The following ST6GALNAC3 variants were observed in gnomAD, a reference collection of about 807,000 sequenced individuals.
ST6GALNAC3 encodes alpha-N-acetylgalactosaminide alpha-2,6-sialyltransferase 3.
Under a neutral mutation model 32.7 loss-of-function variants are expected in ST6GALNAC3, and 25 were observed. The observed-to-expected ratio is 0.76, with a 90% CI of 0.56 to 1.07. The LOEUF is 1.07. Among genes scored for constraint, ST6GALNAC3 ranks in the 50% least tolerant of loss-of-function variants. The pLI is 0.00. For synonymous variants in ST6GALNAC3, 129 were observed against 133.1 expected, an observed-to-expected ratio of 0.97 and a Z score of 0.21; for missense variants, 355 against 382.4, an observed-to-expected ratio of 0.93 and a Z score of 0.60.
At chr1:76,507,008 A>G (rs1661517766) in intron 3 of ST6GALNAC3, among the ~76,000 whole-genome samples, 1 of 152,242 alleles carries the variant, frequency 6.6e-6, no homozygotes, top group Admixed American at 6.5e-5. Flanking sequence ...GAAAGAAGCA[A>G]GCAGGATCAA....
At chr1:76,523,884 A>G (rs982882194) in intron 3 of ST6GALNAC3, among the ~76,000 whole-genome samples, 3 of 151,998 alleles carry the variant, frequency 2.0e-5, no homozygotes, top group African/African-American at 7.2e-5. Context: ...TGTGTCCCCA[A>G]CGGTGCCCCC....
At chr1:76,524,839 T>G (rs1474351233) in intron 3 of ST6GALNAC3, among the ~76,000 whole-genome samples, 1 of 151,936 alleles carries the variant, frequency 6.6e-6, no homozygotes, top group Non-Finnish European at 1.5e-5. Flanking sequence ...TGAAGGACTT[T>G]AATCATCTGG....
chr1:76,625,733 C>T (rs2100719102), intron 3 of ST6GALNAC3, among the ~76,000 whole-genome samples: 1 of 152,018 alleles, frequency 6.6e-6, no homozygotes, highest in South Asian at 2.1e-4. Flanking sequence ...TTGTTCGTTA[C>T]TGTAGCTCAC....
At chr1:76,487,478 A>G (rs909494413) in intron 3 of ST6GALNAC3, among the ~76,000 whole-genome samples, 2 of 152,090 alleles carry the variant, frequency 1.3e-5, no homozygotes, top group African/African-American at 4.8e-5. Flanking sequence ...CATTCATTTG[A>G]TCTTCAATCA....
intron 3 of ST6GALNAC3, among the ~76,000 whole-genome samples, chr1:76,622,375 T>C (rs1385231975): frequency 1.3e-5 from 2 of 151,910 alleles, no homozygotes; most frequent in East Asian, 3.9e-4. Flanking sequence ...TAGATGGACT[T>C]GTAAAGAAGG....
At chr1:76,260,895 C>CT (rs1164667926) in intron 1 of ST6GALNAC3, among the ~76,000 whole-genome samples, 1 of 151,136 alleles carries the variant, frequency 6.6e-6, no homozygotes, top group Non-Finnish European at 1.5e-5. Flanking sequence ...AAATATGTGC[C>CT]TTTTTTAAAA....
chr1:76,331,608 A>G (rs941171264), intron 2 of ST6GALNAC3, among the ~76,000 whole-genome samples: 3 of 152,180 alleles, frequency 2.0e-5, no homozygotes, highest in African/African-American at 7.2e-5. Context: ...TGTTTCACCA[A>G]TTACTTGCAG....
chr1:76,313,441 T>TG (rs1280226291), intron 1 of ST6GALNAC3, among the ~76,000 whole-genome samples: 1 of 152,088 alleles, frequency 6.6e-6, no homozygotes, highest in African/African-American at 2.4e-5. Flanking sequence ...GTGGATAGGT[T>TG]GGGGGTCAAA....
chr1:76,126,838 G>A (rs561404030), intron 1 of ST6GALNAC3, among the ~76,000 whole-genome samples: 105 of 152,254 alleles, frequency 6.9e-4, no homozygotes, highest in Non-Finnish European at 3.2e-4. Context: ...CAGGTGCTGC[G>A]TTTTATTCAG....
intron 1 of ST6GALNAC3, among the ~76,000 whole-genome samples, chr1:76,200,249 G>T (rs563276257): frequency 2.6e-5 from 4 of 152,284 alleles, no homozygotes; most frequent in Admixed American, 2.0e-4. Context: ...CCTTTTGTGT[G>T]TGGCCATTTT....
intron 3 of ST6GALNAC3, among the ~76,000 whole-genome samples, chr1:76,557,745 C>T (rs941725878): frequency 6.6e-6 from 1 of 152,066 alleles, no homozygotes; most frequent in African/African-American, 2.4e-5. Flanking sequence ...GGAAACTAAC[C>T]CTTCCACTCC....
At chr1:76,082,962 T>G (rs1557598504) in intron 1 of ST6GALNAC3, among the ~76,000 whole-genome samples, 1 of 152,162 alleles carries the variant, frequency 6.6e-6, no homozygotes, top group Non-Finnish European at 1.5e-5. Flanking sequence ...ATCTTAATAT[T>G]TACTCAGATT....
chr1:76,397,679 G>T (rs1039666737), intron 2 of ST6GALNAC3, among the ~76,000 whole-genome samples: 3 of 151,944 alleles, frequency 2.0e-5, no homozygotes, highest in Non-Finnish European at 2.9e-5. Context: ...CGGCCAAGGT[G>T]TTCATTTTTC....
chr1:76,627,593 C>A, intron 4 of ST6GALNAC3, 34 bp downstream of exon 4: 2 of 1,420,454 alleles, frequency 1.4e-6, no homozygotes, highest in Non-Finnish European at 9.9e-7. Context: ...TATGCAGCTC[C>A]AATTCGGAGA....
At chr1:76,329,998 G>A (rs942872191) in intron 2 of ST6GALNAC3, among the ~76,000 whole-genome samples, 2 of 151,558 alleles carry the variant, frequency 1.3e-5, no homozygotes, top group Admixed American at 1.3e-4. Context: ...CATTAGAGAC[G>A]TGATTTCACC....
At chr1:76,574,313 C>A (rs2100514272) in intron 3 of ST6GALNAC3, among the ~76,000 whole-genome samples, 1 of 152,042 alleles carries the variant, frequency 6.6e-6, no homozygotes, top group East Asian at 1.9e-4. Flanking sequence ...TATTTTATAG[C>A]CTTTTGACAA....
chr1:76,530,485 A>G (rs1163267768), intron 3 of ST6GALNAC3, among the ~76,000 whole-genome samples: 2 of 152,168 alleles, frequency 1.3e-5, no homozygotes, highest in African/African-American at 2.4e-5. Flanking sequence ...GCTATAGTAA[A>G]AAAGAATGAA....
At chr1:76,317,801 C>A (rs1022450885) in intron 2 of ST6GALNAC3, among the ~76,000 whole-genome samples, 1 of 152,056 alleles carries the variant, frequency 6.6e-6, no homozygotes, top group African/African-American at 2.4e-5. Context: ...GAAAGAATGT[C>A]TCTTTACTAC....
chr1:76,358,345 T>G (rs1649659158), intron 2 of ST6GALNAC3, among the ~76,000 whole-genome samples: 1 of 152,160 alleles, frequency 6.6e-6, no homozygotes, highest in Admixed American at 6.5e-5. Context: ...AACATGTACA[T>G]ATGGAACTCA....
Sources: allele counts gnomAD v4.1 joint callset (sites outside exome capture counted in the v4.1 genomes callset), GRCh38; gene constraint gnomAD v4.1.1; transcripts MANE v1.5; gene names NCBI Gene and HGNC (gene_info 2026-07-23, HGNC 2026-07-21).